ZFAT: variants seen among roughly 807,000 people sequenced by gnomAD.
ZFAT encodes the protein zinc finger protein ZFAT.
A neutral mutation model predicts 117.7 loss-of-function variants in ZFAT; 64 were observed. The observed-to-expected ratio is 0.54, with a 90% CI of 0.44 to 0.67. ZFAT has a LOEUF of 0.67. Among genes scored for constraint, ZFAT ranks in the 30% least tolerant of loss-of-function variants. ZFAT has a pLI of 0.00. For missense variants in ZFAT, 1,433 were observed against 1,584.5 expected (o/e 0.90, Z 1.62); for synonymous variants, 679 against 615.0 (o/e 1.10, Z -1.54).
intron 15 of ZFAT, among the ~76,000 whole-genome samples, chr8:134,504,963 A>G (rs945197641): frequency 6.6e-6 from 1 of 151,766 alleles, no homozygotes; most frequent in African/African-American, 2.4e-5. Context: ...CCCACCCCAG[A>G]CCCAGGTACA....
At chr8:134,641,061 C>A (rs182557303) in intron 2 of ZFAT, among the ~76,000 whole-genome samples, 51 of 152,272 alleles carry the variant, frequency 3.3e-4, no homozygotes, top group Admixed American at 3.3e-3. Flanking sequence ...GATGCCTGCA[C>A]ACGGTGTCCA....
At chr8:134,580,580 TA>T (rs1345923858) in intron 10 of ZFAT, among the ~76,000 whole-genome samples, 19 of 152,278 alleles carry the variant, frequency 1.2e-4, no homozygotes, top group Admixed American at 3.9e-4. Flanking sequence ...GTAAGCTTCA[TA>T]AAAAAATTAA....
intron 3 of ZFAT, among the ~76,000 whole-genome samples, chr8:134,621,691 T>C (rs1188244048): frequency 6.6e-6 from 1 of 151,988 alleles, no homozygotes; most frequent in Non-Finnish European, 1.5e-5. Flanking sequence ...ATAAATAATC[T>C]AAAAAAAGTA....
At chr8:134,588,051 T>A (rs1297535888) in intron 9 of ZFAT, among the ~76,000 whole-genome samples, 195 bp downstream of exon 9, 3 of 152,210 alleles carry the variant, frequency 2.0e-5, no homozygotes, top group Non-Finnish European at 4.4e-5. Context: ...ACACCTCTAT[T>A]CATTGCAATT....
intron 1 of ZFAT, among the ~76,000 whole-genome samples, chr8:134,669,293 A>C (rs561216500): frequency 6.6e-6 from 1 of 152,318 alleles, no homozygotes; most frequent in South Asian, 2.1e-4. Context: ...TCCAAGACAA[A>C]CAATTGTCAG....
intron 1 of ZFAT, among the ~76,000 whole-genome samples, chr8:134,686,846 G>C (rs1348429222): frequency 6.6e-6 from 1 of 152,174 alleles, no homozygotes; most frequent in African/African-American, 2.4e-5. Flanking sequence ...ACTTCCAATG[G>C]ATGGATTCTG....
the ZFAT span, among the ~76,000 whole-genome samples, chr8:134,823,467 CTCT>C: frequency 6.6e-6 from 1 of 152,262 alleles, no homozygotes; most frequent in East Asian, 1.9e-4. Flanking sequence ...TTCCTGGCTA[CTCT>C]TCCCCACAGC....
the ZFAT span, among the ~76,000 whole-genome samples, chr8:134,719,394 G>A: frequency 2.0e-5 from 3 of 152,312 alleles, no homozygotes; most frequent in South Asian, 4.1e-4. Flanking sequence ...TGAGTGCCAC[G>A]GGTGGGGGCG....
At chr8:134,692,400 AG>A (rs1364236741) in intron 1 of ZFAT, among the ~76,000 whole-genome samples, 1 of 152,238 alleles carries the variant, frequency 6.6e-6, no homozygotes, top group Non-Finnish European at 1.5e-5. Flanking sequence ...AGGTGTCAGC[AG>A]GTGCGCCCCA....
At chr8:134,629,777 A>C (rs79823518) in intron 3 of ZFAT, among the ~76,000 whole-genome samples, 2,089 of 152,326 alleles carry the variant, frequency 0.014, 39 homozygotes, top group African/African-American at 0.048. Flanking sequence ...ACTGTGAATC[A>C]ATTAAACCTT....
the ZFAT span, among the ~76,000 whole-genome samples, chr8:134,807,978 C>T: frequency 2.3e-4 from 35 of 152,330 alleles, no homozygotes; most frequent in Admixed American, 6.5e-4. Flanking sequence ...TTACTAACTG[C>T]CCTTTGTAAC....
the ZFAT span, among the ~76,000 whole-genome samples, chr8:134,736,028 T>C: frequency 6.6e-6 from 1 of 152,164 alleles, no homozygotes; most frequent in Non-Finnish European, 1.5e-5. Context: ...CAGCCACCTG[T>C]CCTGGAGGGA....
chr8:134,628,068 T>C (rs532386689), intron 3 of ZFAT, among the ~76,000 whole-genome samples: 1 of 152,094 alleles, frequency 6.6e-6, no homozygotes, highest in South Asian at 2.1e-4. Context: ...ACTCTGGAGC[T>C]GGGCCTGGAA....
intron 13 of ZFAT, among the ~76,000 whole-genome samples, chr8:134,512,850 G>A (rs1216305319): frequency 6.6e-6 from 1 of 152,194 alleles, no homozygotes; most frequent in Non-Finnish European, 1.5e-5. Flanking sequence ...TTTGTGGTGG[G>A]AAACAGAGTA....
chr8:134,676,880 G>A (rs1286290834), intron 1 of ZFAT, among the ~76,000 whole-genome samples: 1 of 152,130 alleles, frequency 6.6e-6, no homozygotes, highest in Non-Finnish European at 1.5e-5. Context: ...CAGAAATAAA[G>A]ATGTTCTTTG....
At chr8:134,786,767 TCA>T in the ZFAT span, among the ~76,000 whole-genome samples, 1 of 152,138 alleles carries the variant, frequency 6.6e-6, no homozygotes, top group Non-Finnish European at 1.5e-5. Context: ...TCACATAAAT[TCA>T]CAATCACTTT....
At chr8:134,679,361 G>A (rs936526628) in intron 1 of ZFAT, among the ~76,000 whole-genome samples, 2 of 152,208 alleles carry the variant, frequency 1.3e-5, no homozygotes, top group Admixed American at 6.5e-5. Context: ...CTGGTTGTTA[G>A]AGAAATGCAA....
chr8:134,798,087 A>G, the ZFAT span: 1 of 152,032 alleles, frequency 6.6e-6, no homozygotes, highest in Admixed American at 6.6e-5. Context: ...ACATTTTTCA[A>G]TTACTGAAGT....
chr8:134,581,167 C>G (rs1478134922), intron 10 of ZFAT, among the ~76,000 whole-genome samples: 1 of 151,890 alleles, frequency 6.6e-6, no homozygotes, highest in Non-Finnish European at 1.5e-5. Flanking sequence ...AAGGAAATGA[C>G]TCACCTATAG....
Sources: allele counts gnomAD v4.1 joint callset (sites outside exome capture counted in the v4.1 genomes callset), GRCh38; gene constraint gnomAD v4.1.1; transcripts MANE v1.5; gene names NCBI Gene and HGNC (gene_info 2026-07-23, HGNC 2026-07-21).